GRIP1: variants seen among roughly 807,000 people sequenced by gnomAD.
GRIP1 encodes the protein glutamate receptor-interacting protein 1.
Under a neutral mutation model 129.9 loss-of-function variants are expected in GRIP1, and 45 were observed. The ratio of observed to expected loss-of-function variants is 0.35; its 90% CI spans 0.27 to 0.44. The LOEUF is 0.44. GRIP1 is among the 20% of genes least tolerant of loss of function. The pLI is 1.00. For missense variants in GRIP1, 1,196 were observed against 1,396.8 expected, an observed-to-expected ratio of 0.86 and a Z score of 2.29; for synonymous variants, 530 against 520.8, an observed-to-expected ratio of 1.02 and a Z score of -0.24.
rs560298701 is a variant in GRIP1 at position 66,828,661 on chromosome 12, C to T, written c.59-231734G>A. Among the ~76,000 whole-genome samples the T allele has an allele frequency of 3.9e-5, 6 of 152,248 alleles. No homozygotes were observed. The South Asian group carries it at 1.0e-3, about 26-fold the overall frequency. On this transcript the variant is annotated intron_variant, in intron 1 of 1. Transcript: ENST00000643019. The stretch of plus-strand genomic sequence containing the variant: ...TAAAGAAAGTTTTATCTTTCTTTTG[C>T]AATAGACATATTAATATTAACACCT...
chr12:66,844,895 A>G (rs750863085), intron 1 of GRIP1, among the ~76,000 whole-genome samples: 15 of 152,212 alleles, frequency 9.9e-5, no homozygotes, highest in Non-Finnish European at 1.6e-4. Context: ...CATTTATATG[A>G]GGTTTCTAGA....
intron 1 of GRIP1, among the ~76,000 whole-genome samples, chr12:66,671,180 C>T (rs758873276): frequency 2.0e-5 from 3 of 152,120 alleles, no homozygotes; most frequent in Non-Finnish European, 4.4e-5. Flanking sequence ...ATTGGGTGCT[C>T]ATAAAAATAG....
At chr12:67,046,279 C>A (rs2043252633) in intron 1 of GRIP1, among the ~76,000 whole-genome samples, 1 of 152,146 alleles carries the variant, frequency 6.6e-6, no homozygotes, top group Non-Finnish European at 1.5e-5. Flanking sequence ...GAGGAGCCCT[C>A]CCCTCTGCCT....
intron 1 of GRIP1, among the ~76,000 whole-genome samples, chr12:66,913,603 A>G (rs1301955017): frequency 1.3e-5 from 2 of 152,214 alleles, no homozygotes; most frequent in East Asian, 3.9e-4. Context: ...TTATTTTGTT[A>G]TTTTGTTAAA....
chr12:66,673,778 C>A (rs2034195674), intron 1 of GRIP1, among the ~76,000 whole-genome samples: 1 of 152,090 alleles, frequency 6.6e-6, no homozygotes, highest in Non-Finnish European at 1.5e-5. Flanking sequence ...TGCCTGGGAC[C>A]CAGCTGCAGC....
intron 1 of GRIP1, among the ~76,000 whole-genome samples, chr12:66,665,027 CT>C (rs2033718323): frequency 6.6e-6 from 1 of 151,018 alleles, no homozygotes; most frequent in Admixed American, 6.6e-5. Flanking sequence ...TTCCTTTTTT[CT>C]TTTTAGACAG....
At position 66,445,518 on chromosome 12, in the gene GRIP1, C is replaced by CAAAGAG; in HGVS notation, c.1355-11_1355-10insCTCTTT. 6.3e-7 allele frequency: 1 copy of CAAAGAG among 1,596,552 alleles called. No individual in the cohort carries two copies. On this transcript the variant is annotated splice_polypyrimidine_tract_variant and intron_variant, in intron 11 of 24. Transcript: ENST00000359742. ...CTGGAGGCTAAGGACACTAGAGGAA[C>CAAAGAG]AAACAGAAAATACTGACTTTAGGTT... is the stretch of plus-strand genomic sequence containing the variant.
chr12:66,789,190 T>C (rs560738294), intron 1 of GRIP1, among the ~76,000 whole-genome samples: 1 of 152,280 alleles, frequency 6.6e-6, no homozygotes, highest in South Asian at 2.1e-4. Flanking sequence ...CTAGTTTAGA[T>C]GAATCTGTTT....
chr12:66,824,824 A>T (rs1660703580), intron 1 of GRIP1, among the ~76,000 whole-genome samples: 1 of 152,208 alleles, frequency 6.6e-6, no homozygotes, highest in African/African-American at 2.4e-5. Flanking sequence ...TAATTTTTTT[A>T]AATTACTGGA....
intron 1 of GRIP1, among the ~76,000 whole-genome samples, chr12:66,635,832 C>T (rs1316718757): frequency 5.3e-5 from 8 of 151,962 alleles, no homozygotes; most frequent in East Asian, 1.9e-4. Context: ...TGGCCAGTAA[C>T]GACCAATAAA....
At chr12:66,764,977 T>C (rs1286902397) in intron 1 of GRIP1, among the ~76,000 whole-genome samples, 1 of 152,244 alleles carries the variant, frequency 6.6e-6, no homozygotes, top group Non-Finnish European at 1.5e-5. Flanking sequence ...TACAAAACTT[T>C]ATGAAGTAGG....
intron 1 of GRIP1, among the ~76,000 whole-genome samples, chr12:66,693,223 G>A (rs1480014): frequency 0.053 from 8,113 of 152,234 alleles, 531 homozygotes; most frequent in Admixed American, 0.17. Flanking sequence ...AGGGCCACAC[G>A]TGACCTGTAA....
chr12:66,557,044 GA>G (rs955514250), intron 2 of GRIP1, among the ~76,000 whole-genome samples: 2 of 150,802 alleles, frequency 1.3e-5, no homozygotes, highest in Non-Finnish European at 2.9e-5. Context: ...TGGCTGAATG[GA>G]TAAAAAAAAA....
chr12:66,793,263 G>A (rs1453169947), intron 1 of GRIP1, among the ~76,000 whole-genome samples: 1 of 152,128 alleles, frequency 6.6e-6, no homozygotes, highest in Non-Finnish European at 1.5e-5. Context: ...TGTGATGGCT[G>A]GACATGACAC....
intron 2 of GRIP1, among the ~76,000 whole-genome samples, chr12:66,543,347 G>A (rs1432604983): frequency 6.6e-6 from 1 of 152,148 alleles, no homozygotes; most frequent in Non-Finnish European, 1.5e-5. Context: ...TTTTAAAGTA[G>A]AAGCCAAGGA....
chr12:66,495,310 G>A (rs981035328), intron 7 of GRIP1, among the ~76,000 whole-genome samples: 9 of 152,214 alleles, frequency 5.9e-5, no homozygotes, highest in Admixed American at 1.3e-4. Context: ...ATGAGAGAAA[G>A]AGAAGGGCGA....
At chr12:66,895,539 C>T (rs2040733108) in intron 1 of GRIP1, among the ~76,000 whole-genome samples, 1 of 152,118 alleles carries the variant, frequency 6.6e-6, no homozygotes, top group South Asian at 2.1e-4. Flanking sequence ...CTGTCACAGC[C>T]TCACTTGGTC....
At chr12:66,653,982 A>G (rs921319377) in intron 1 of GRIP1, among the ~76,000 whole-genome samples, 3 of 152,184 alleles carry the variant, frequency 2.0e-5, no homozygotes, top group African/African-American at 7.2e-5. Context: ...CAATGAATTC[A>G]GGATCACTGC....
chr12:66,978,617 T>A (rs922132653), intron 1 of GRIP1, among the ~76,000 whole-genome samples: 3 of 152,214 alleles, frequency 2.0e-5, no homozygotes, highest in Non-Finnish European at 1.5e-5. Context: ...TTTCTTTCAT[T>A]GGTCTCAGAT....
Sources: allele counts gnomAD v4.1 joint callset (sites outside exome capture counted in the v4.1 genomes callset), GRCh38; gene constraint gnomAD v4.1.1; transcripts MANE v1.5; gene names NCBI Gene and HGNC (gene_info 2026-07-23, HGNC 2026-07-21).